Variants in ZNF43 observed in about 807,000 individuals in gnomAD.
ZNF43 encodes zinc finger protein 39-like 1 (KOX 27).
Under a neutral mutation model 68.4 loss-of-function variants are expected in ZNF43, and 44 were observed. The observed-to-expected ratio is 0.64, with a 90% CI of 0.51 to 0.83. The LOEUF is 0.83. Among genes scored for constraint, ZNF43 ranks in the 40% least tolerant of loss-of-function variants. The pLI is 0.00. For synonymous variants in ZNF43, 308 were observed against 307.8 expected (o/e 1.00, Z -0.01); for missense variants, 896 against 933.2 (o/e 0.96, Z 0.52).
Position 21,809,717 on chromosome 19 carries a change from CA to C in ZNF43, c.319del (p.Cys107ValfsTer8). 6.2e-7 allele frequency: 1 copy of C among 1,612,852 alleles called. No individual in the cohort carries two copies. Among genetic ancestry groups the C allele is most frequent in the Non-Finnish European group, 8.5e-7 (1 of 1,179,624 alleles). ...QKATLRRYKNCEHKNVHLKKD... is the reference protein window; with the variant it reads ...QKATLRRYKNXEHKNVHLKKD... ...TTTTAAATGTACATTTTTATGTTCA[CA>C]GTTTTTATATCTTCTCAGTGTCGCT... On this transcript the variant is annotated frameshift_variant, in exon 4 of 4. Transcript: ENST00000354959. LOFTEE classifies it high-confidence loss of function.
upstream of ZNF43, chr19:21,839,954 C>G (rs1001352229): frequency 6.6e-6 from 1 of 152,226 alleles, no homozygotes; most frequent in African/African-American, 2.4e-5. Flanking sequence ...AGCATCACAA[C>G]AGCTAGGTGC....
At chr19:21,828,288 T>C (rs1282963600) in intron 1 of ZNF43, among the ~76,000 whole-genome samples, 5 of 152,212 alleles carry the variant, frequency 3.3e-5, no homozygotes, top group Non-Finnish European at 7.3e-5. Flanking sequence ...AATATTAAAA[T>C]AACTATTTAG....
Position 21,851,124 on chromosome 19 carries a change from C to T in ZNF43, c.30+781G>A, listed in dbSNP as rs562249652. ...GCTTTTCAGTGCAGTCACAGCCTCA[C>T]ATGTGTACTGAATCTTGGTCTGAGA... On this transcript the variant is annotated intron_variant, in intron 1 of 3. Transcript: ENST00000357491. 3.3e-5 allele frequency: 5 copies of T among 152,354 alleles called. No individual in the cohort carries two copies. The South Asian group carries it at 6.2e-4, about 19-fold the overall frequency. 9.4% of individuals were successfully genotyped at this position (152,354 alleles called of 1,614,324 possible).
At position 21,807,738 on chromosome 19, in the gene ZNF43, A is replaced by G. The variant is rs2037011770; in HGVS notation, c.2299T>C (p.Cys767Arg). The change falls in exon 4 of 4, where the codon TGT becomes CGT. Residue 767 changes from cysteine (C) to arginine (R), a missense_variant. Coordinates refer to ENST00000354959, the MANE Select transcript of ZNF43 (RefSeq NM_003423.4). Reference protein sequence around the residue: ...TKEQPYKCKECGKAFNQYSNL... With the variant: ...TKEQPYKCKERGKAFNQYSNL... ...GAATATTGGTTGAAAGCTTTGCCAC[A>G]TTCTTTACATTTGTAGGGTTGCTCT... The G allele has an allele frequency of 6.2e-7, 1 of 1,613,702 alleles. No individual in the cohort carries two copies.
chr19:21,825,547 A>C (rs2038075842), intron 1 of ZNF43, among the ~76,000 whole-genome samples: 1 of 152,066 alleles, frequency 6.6e-6, no homozygotes, highest in African/African-American at 2.4e-5. Flanking sequence ...CAAAACCCAG[A>C]ATCAGAATTT....
At chr19:21,812,458 T>A (rs1290330457) in intron 3 of ZNF43, among the ~76,000 whole-genome samples, 4 of 151,970 alleles carry the variant, frequency 2.6e-5, no homozygotes, top group East Asian at 3.9e-4. Flanking sequence ...ATAATCTGAT[T>A]TGGAAATGGA....
chr19:21,820,577 CAA>C (rs372329413), intron 1 of ZNF43, among the ~76,000 whole-genome samples: 1 of 118,618 alleles, frequency 8.4e-6, no homozygotes, highest in Non-Finnish European at 1.8e-5. Context: ...GACTCTGTCT[CAA>C]AAAAAAAAAG....
chr19:21,835,329 T>C (rs1403045243), intron 1 of ZNF43, among the ~76,000 whole-genome samples: 1 of 148,054 alleles, frequency 6.8e-6, no homozygotes, highest in Non-Finnish European at 1.5e-5. Flanking sequence ...TTTGGGAATG[T>C]CAGAAATAAA....
At chr19:21,851,874 C>G (rs912045129) in intron 1 of ZNF43, 2 of 1,560,990 alleles carry the variant, frequency 1.3e-6, no homozygotes, top group Middle Eastern at 1.7e-4. Context: ...CCTGCTCTCC[C>G]CTCTCGGGAT....
intron 3 of ZNF43, among the ~76,000 whole-genome samples, chr19:21,810,831 A>G (rs1407056771): frequency 2.0e-5 from 3 of 152,060 alleles, no homozygotes; most frequent in Non-Finnish European, 2.9e-5. Flanking sequence ...ATGTCTGTAC[A>G]CCCAGCTACT....
chr19:21,834,211 G>A (rs1166165272), intron 1 of ZNF43, among the ~76,000 whole-genome samples: 1 of 151,492 alleles, frequency 6.6e-6, no homozygotes, highest in African/African-American at 2.4e-5. Context: ...GGTGGTAGGT[G>A]CCGGTAGTTC....
chr19:21,834,728 G>A (rs544723239), intron 1 of ZNF43, among the ~76,000 whole-genome samples: 1 of 151,360 alleles, frequency 6.6e-6, no homozygotes, highest in Admixed American at 6.6e-5. Flanking sequence ...ACTCCAGCCT[G>A]GGAAACAAAG....
chr19:21,824,324 A>ATAGCTCTGGACATTTTGTGGTCT (rs1244630137), intron 1 of ZNF43, among the ~76,000 whole-genome samples: 4 of 152,206 alleles, frequency 2.6e-5, no homozygotes, highest in Admixed American at 6.5e-5. Context: ...AGCTGTGGTC[A>ATAGCTCTGGACATTTTGTGGTCT]TAGCTCTGGA....
chr19:21,827,005 A>T (rs78773989), intron 1 of ZNF43: 1 of 148,334 alleles, frequency 6.7e-6, no homozygotes, highest in Non-Finnish European at 1.5e-5. Context: ...CTGTATTGAG[A>T]AAAAAAAAAA....
Position 21,808,716 on chromosome 19 carries a change from G to A in ZNF43, c.1321C>T (p.Leu441Phe), listed in dbSNP as rs756392688. ...GTATGAATTCTGTTATGTTTAGTAA[G>A]GGTTGAGGGCCAGTTAAAGGCTTTG... ...CGKAFNWPST[L>F]TKHNRIHTGE... The change falls in exon 4 of 4, where the codon CTT becomes TTT. Residue 441 changes from leucine to phenylalanine, a missense_variant. Leu to Phe is a conservative substitution (Grantham distance 22). Coordinates refer to ENST00000354959, the MANE Select transcript of ZNF43 (RefSeq NM_003423.4). 1 of 1,612,518 alleles carries A rather than the reference G, an allele frequency of 6.2e-7. No homozygotes were observed. Among genetic ancestry groups the A allele is most frequent in the Admixed American group, 1.7e-5 (1 of 59,910 alleles).
chr19:21,829,032 C>CAAAAAAAAAAAAAAAAAAAAAA (rs551226809), intron 1 of ZNF43, among the ~76,000 whole-genome samples: 2 of 38,812 alleles, frequency 5.2e-5, no homozygotes, highest in African/African-American at 1.8e-4. Context: ...GACTCTGTCT[C>CAAAAAAAAAAAAAAAAAAAAAA]AAAAAAAAAA....
In ZNF43 at chr19:21,805,058, G is replaced by A. The variant is rs916773184; in HGVS notation, c.*2549C>T. 6.6e-6 allele frequency: 1 copy of A among 152,138 alleles called. No individual in the cohort carries two copies. The highest frequency in any genetic ancestry group is 2.4e-5 in the African/African-American group (1 of 41,420). 9.4% of individuals were successfully genotyped at this position (152,138 alleles called of 1,614,324 possible). On this transcript the variant is annotated 3_prime_UTR_variant, in exon 4 of 4. Coordinates refer to ENST00000354959, the MANE Select transcript of ZNF43 (RefSeq NM_003423.4). ...TAATTGTACATTAAAATAATGAAGT[G>A]TAGAATTGGCTTGTAATACAAAGGA...
intron 1 of ZNF43, chr19:21,841,355 G>A (rs969385018): frequency 6.6e-6 from 1 of 152,236 alleles, no homozygotes; most frequent in Non-Finnish European, 1.5e-5. Flanking sequence ...GGACCAGGCA[G>A]GAGAGTCATA....
In ZNF43 at chr19:21,806,011, ATAAG is replaced by A. The variant is rs1396759372; in HGVS notation, c.*1592_*1595del. 2 of 152,172 alleles carry A rather than the reference ATAAG, an allele frequency of 1.3e-5. No individual in the cohort carries two copies. The highest frequency in any genetic ancestry group is 1.3e-4 in the Admixed American group (2 of 15,274). 9.4% of individuals were successfully genotyped at this position (152,172 alleles called of 1,614,324 possible). ...GTACATTTAATTACATAAAATTACA[ATAAG>A]TAAAATGACTTACTAATTTAACCAA... On this transcript the variant is annotated 3_prime_UTR_variant, in exon 4 of 4. Coordinates refer to ENST00000354959, the MANE Select transcript of ZNF43 (RefSeq NM_003423.4).
Sources: gnomAD v4.1 joint callset for allele counts (sites outside exome capture counted in the v4.1 genomes callset) on GRCh38, gnomAD v4.1.1 for gene constraint, MANE v1.5 for transcripts, NCBI Gene and HGNC (gene_info 2026-07-23, HGNC 2026-07-21) for gene names.